The following LPIN2 variants were observed in gnomAD, a reference collection of about 807,000 sequenced individuals.
LPIN2 encodes the protein lipin 2.
Under a neutral mutation model 111.4 loss-of-function variants are expected in LPIN2, and 55 were observed. The ratio of observed to expected loss-of-function variants is 0.49; its 90% confidence interval spans 0.40 to 0.62. The LOEUF is 0.62. LPIN2 is among the 20% of genes least tolerant of loss of function. The pLI is 0.00. For synonymous variants in LPIN2, 425 were observed against 414.0 expected (o/e 1.03, Z -0.32); for missense variants, 992 against 1,112.1 (o/e 0.89, Z 1.54).
intron 4 of LPIN2, chr18:2,946,551 T>C (rs766399094): frequency 2.8e-6 from 4 of 1,437,230 alleles, no homozygotes; most frequent in Admixed American, 1.7e-5. Flanking sequence ...TTTCCCACTG[T>C]CACAGGCAAG....
At chr18:3,007,082 T>C (rs2078527661) in intron 1 of LPIN2, among the ~76,000 whole-genome samples, 2 of 152,172 alleles carry the variant, frequency 1.3e-5, no homozygotes, top group Admixed American at 1.3e-4. Flanking sequence ...AGTATTTCTC[T>C]AAATAACTCT....
chr18:2,963,289 T>C (rs1312558493), intron 1 of LPIN2, among the ~76,000 whole-genome samples: 2 of 152,204 alleles, frequency 1.3e-5, no homozygotes, highest in African/African-American at 4.8e-5. Flanking sequence ...TTGTTCGTCA[T>C]AGGCATGAGG....
chr18:2,926,177 G>A (rs1400108047), intron 13 of LPIN2, among the ~76,000 whole-genome samples: 1 of 152,130 alleles, frequency 6.6e-6, no homozygotes, highest in African/African-American at 2.4e-5. Flanking sequence ...GATATAGGAT[G>A]GGGGGCGGTA....
intron 1 of LPIN2, among the ~76,000 whole-genome samples, chr18:2,993,387 T>C (rs2078296090): frequency 6.6e-6 from 1 of 152,232 alleles, no homozygotes; most frequent in Non-Finnish European, 1.5e-5. Flanking sequence ...ACAAACTTCC[T>C]AGGTTATTTG....
At chr18:2,988,570 A>G (rs1436535045) in intron 1 of LPIN2, among the ~76,000 whole-genome samples, 1 of 152,256 alleles carries the variant, frequency 6.6e-6, no homozygotes, top group African/African-American at 2.4e-5. Context: ...AGATGAATCC[A>G]ATTCCAGATG....
chr18:2,991,670 T>G (rs1425105611), intron 1 of LPIN2, among the ~76,000 whole-genome samples: 1 of 151,876 alleles, frequency 6.6e-6, no homozygotes, highest in Non-Finnish European at 1.5e-5. Context: ...CGAGACCATG[T>G]CACTACACTC....
intron 1 of LPIN2, among the ~76,000 whole-genome samples, chr18:2,962,902 G>A (rs1172023693): frequency 6.6e-6 from 1 of 151,958 alleles, no homozygotes; most frequent in Non-Finnish European, 1.5e-5. Context: ...CCACAAACAA[G>A]TCTTATAAAC....
In LPIN2 at chr18:2,919,206, C is replaced by T. The variant is rs117816920; in HGVS notation, c.*1087G>A. The T allele has an allele frequency of 7.9e-5, 12 of 152,328 alleles. No individual in the cohort carries two copies. Among genetic ancestry groups the T allele is most frequent in the Non-Finnish European group, 1.5e-4 (10 of 68,064 alleles). 9.4% of individuals were successfully genotyped at this position (152,328 alleles called of 1,614,324 possible). A position where few individuals can be genotyped will look rare whatever the true frequency, so the allele number is the denominator to read the frequency against. On this transcript the variant is annotated 3_prime_UTR_variant, in exon 20 of 20. Transcript: ENST00000677752. ...GTCTCACAGGGCTAGGCTGGGGACA[C>T]TGCTCGGGGGGCAGTCTGCTCCATA...
At chr18:3,006,532 A>C (rs2078517858) in intron 1 of LPIN2, among the ~76,000 whole-genome samples, 1 of 152,110 alleles carries the variant, frequency 6.6e-6, no homozygotes, top group Admixed American at 6.6e-5. Context: ...CTCTACAAAA[A>C]AATACAAAAA....
chr18:3,000,118 A>AAGG (rs113566510), intron 1 of LPIN2, among the ~76,000 whole-genome samples: 85,642 of 143,968 alleles, frequency 0.59, 26,735 homozygotes, highest in East Asian at 0.83. Context: ...GGAGGGGAAG[A>AAGG]AGGAGGAGGA....
intron 8 of LPIN2, among the ~76,000 whole-genome samples, chr18:2,933,709 C>G (rs1785280): frequency 0.92 from 139,850 of 152,310 alleles, 64,862 homozygotes; most frequent in East Asian, 1. Context: ...TTGTTTTTTT[C>G]TAACCACAGA....
chr18:2,984,050 A>G (rs1196451114), intron 1 of LPIN2, among the ~76,000 whole-genome samples: 2 of 152,240 alleles, frequency 1.3e-5, no homozygotes, highest in Admixed American at 6.5e-5. Context: ...TAACCTTCAC[A>G]TTAAACCCTT....
chr18:2,964,302 A>AAG (rs2077758178), intron 1 of LPIN2, among the ~76,000 whole-genome samples: 1 of 151,166 alleles, frequency 6.6e-6, no homozygotes, highest in Admixed American at 6.6e-5. Flanking sequence ...AAAAAAAAAA[A>AAG]AAAGAAATGA....
At chr18:2,973,642 G>A (rs1323776844) in intron 1 of LPIN2, among the ~76,000 whole-genome samples, 2 of 152,162 alleles carry the variant, frequency 1.3e-5, no homozygotes, top group Admixed American at 6.5e-5. Flanking sequence ...TACAGGTTGA[G>A]TATCCCCCTT....
intron 1 of LPIN2, among the ~76,000 whole-genome samples, chr18:3,000,811 T>C (rs113543266): frequency 1.2e-4 from 19 of 152,232 alleles, no homozygotes; most frequent in African/African-American, 4.6e-4. Context: ...GTACTTCCCG[T>C]GTTCCCTCCT....
chr18:2,993,250 A>C (rs1445512739), intron 1 of LPIN2, among the ~76,000 whole-genome samples: 2 of 152,154 alleles, frequency 1.3e-5, no homozygotes, highest in African/African-American at 4.8e-5. Context: ...GGAGAAGAAA[A>C]ATAGGAATTA....
Position 2,925,204 on chromosome 18 carries a change from A to G in LPIN2, c.1938+20T>C. On this transcript the variant is annotated intron_variant, in intron 14 of 19. Transcript: ENST00000677752. The surrounding 1 kb of genome is among the most constrained non-coding windows in gnomAD (Gnocchi z 4.1). ...ACTAAAATAAGTCCTACTGGACAACACAGATCATGCAAGACTCACGATCTG... is the reference window on the plus strand; with the variant it reads ...ACTAAAATAAGTCCTACTGGACAACGCAGATCATGCAAGACTCACGATCTG... 6.2e-7 allele frequency: 1 copy of G among 1,614,048 alleles called. No homozygotes were observed. The highest frequency in any genetic ancestry group is 8.5e-7 in the Non-Finnish European group (1 of 1,179,898).
In LPIN2 at chr18:2,968,038, T is replaced by C. The variant is rs980339992; in HGVS notation, c.-9-7189A>G. On this transcript the variant is annotated intron_variant, in intron 1 of 19. Coordinates refer to ENST00000677752, the MANE Select transcript of LPIN2 (RefSeq NM_001375808.2). ...CTGAGCCTCTAACACTCACCGCTCCTAGACCTTCAGTGGAGAAAGAGCCCC... is the reference window on the plus strand; with the variant it reads ...CTGAGCCTCTAACACTCACCGCTCCCAGACCTTCAGTGGAGAAAGAGCCCC... Among the ~76,000 whole-genome samples, 4 of 152,308 alleles carry C rather than the reference T, an allele frequency of 2.6e-5. No individual in the cohort carries two copies. In the East Asian group the frequency reaches 7.7e-4, roughly 29 times the overall value.
chr18:2,924,034 G>C (rs1368031740), intron 15 of LPIN2, among the ~76,000 whole-genome samples, 173 bp from the exon 16 acceptor site: 1 of 152,208 alleles, frequency 6.6e-6, no homozygotes, highest in Non-Finnish European at 1.5e-5. Flanking sequence ...CGCACCCACT[G>C]AGGTGCTTCT....
Sources: allele counts gnomAD v4.1 joint callset (sites outside exome capture counted in the v4.1 genomes callset), GRCh38; gene constraint gnomAD v4.1.1; non-coding constraint Gnocchi (gnomAD v3.1); transcripts MANE v1.5; gene names NCBI Gene and HGNC (gene_info 2026-07-23, HGNC 2026-07-21).